Variants in NUMA1 observed in about 807,000 individuals in gnomAD.
NUMA1 encodes the protein nuclear mitotic apparatus protein 1.
Under a neutral mutation model 237.1 loss-of-function variants are expected in NUMA1, and 62 were observed. The ratio of observed to expected loss-of-function variants is 0.26; its 90% CI spans 0.21 to 0.32. NUMA1 has a LOEUF of 0.32. Among genes scored for constraint, NUMA1 ranks in the 10% least tolerant of loss-of-function variants. The pLI is 1.00. For synonymous variants in NUMA1, 1,028 were observed against 1,066.1 expected, an observed-to-expected ratio of 0.96 and a Z score of 0.70; for missense variants, 2,533 against 2,666.5, an observed-to-expected ratio of 0.95 and a Z score of 1.10.
chr11:72,005,546 G>A, intron 22 of NUMA1, 177 bp from the exon 23 acceptor site: 1 of 589,182 alleles, frequency 1.7e-6, no homozygotes, highest in African/African-American at 1.9e-5. Flanking sequence ...CTATCCTAGG[G>A]GCTTGCTCAC....
intron 8 of NUMA1, 112 bp from the exon 9 acceptor site, chr11:72,019,729 A>C: frequency 8.6e-7 from 1 of 1,165,854 alleles, no homozygotes; most frequent in African/African-American, 1.5e-5. Context: ...ATCCATGGAT[A>C]CTTATATGTA....
chr11:72,060,060 G>A (rs909040642), intron 2 of NUMA1, among the ~76,000 whole-genome samples: 9 of 152,162 alleles, frequency 5.9e-5, no homozygotes, highest in African/African-American at 2.2e-4. Context: ...AGATGCTAGA[G>A]TGACACAACC....
In NUMA1 at chr11:72,003,990, G is replaced by C. The variant is rs930142260; in HGVS notation, c.6233C>G (p.Pro2078Arg). The change falls in exon 26 of 27, where the codon CCC becomes CGC. Residue 2078 changes from proline (P) to arginine (R), a missense_variant. Physicochemically the swap from Pro to Arg is moderately radical, Grantham distance 103 (BLOSUM62 -2). Coordinates refer to ENST00000393695, the MANE Select transcript of NUMA1 (RefSeq NM_006185.4). Reference protein sequence around the residue: ...ASKKALSKASPNTRSGTRRSP... With the variant: ...ASKKALSKASRNTRSGTRRSP... ...ACGGCGGGTTCCACTGCGAGTGTTG[G>C]GGGAAGCCTTGGACAGGGCCTTCTT... is the stretch of plus-strand genomic sequence containing the variant. The C allele has an allele frequency of 1.9e-6, 3 of 1,613,464 alleles. No homozygotes were observed. The highest frequency in any genetic ancestry group is 2.5e-6 in the Non-Finnish European group (3 of 1,179,670).
Position 72,008,789 on chromosome 11 carries a change from A to T in NUMA1, c.5115T>A (p.Asp1705Glu), listed in dbSNP as rs1161159254. 1 of 1,614,068 alleles carries T rather than the reference A, an allele frequency of 6.2e-7. No homozygotes were observed. The highest frequency in any genetic ancestry group is 8.5e-7 in the Non-Finnish European group (1 of 1,180,014). The change falls in exon 20 of 27, where the codon GAT becomes GAA. Residue 1705 changes from aspartate to glutamate, a missense_variant. This residue lies in a region of NUMA1 where 795 missense variants were observed against 750.8 expected (regional missense o/e 1.06). Transcript: ENST00000393695. ...RDLGKFQVAT[D>E]ALKSREPQAK... ...CCTGGGGCTCACGGCTCTTTAAAGCATCAGTTGCCACCTGGAATTTGCCCA... is the reference window on the plus strand; with the variant it reads ...CCTGGGGCTCACGGCTCTTTAAAGCTTCAGTTGCCACCTGGAATTTGCCCA...
At position 72,016,122 on chromosome 11, in the gene NUMA1, TTTC is replaced by T. The variant is rs776286431; in HGVS notation, c.1378_1380del (p.Glu460del). ...GTGATCAGGCTAGACAGCTGCTGCT[TTTC>T]TTCTTCGAAGTGGCCCCGCTCAGCA... is the stretch of plus-strand genomic sequence containing the variant. On this transcript the variant is annotated inframe_deletion, in exon 15 of 27. Transcript: ENST00000393695. 9 of 1,614,002 alleles carry T rather than the reference TTTC, an allele frequency of 5.6e-6. No homozygotes were observed. In the South Asian group the frequency reaches 7.7e-5, roughly 14 times the overall value.
At chr11:72,058,704 CA>C (rs1440946224) in intron 2 of NUMA1, among the ~76,000 whole-genome samples, 5 of 152,212 alleles carry the variant, frequency 3.3e-5, no homozygotes, top group African/African-American at 1.2e-4. Flanking sequence ...TGACAGAGAG[CA>C]AAGTAACTTG....
Position 72,023,123 on chromosome 11 carries a change from G to C in NUMA1, c.233C>G (p.Pro78Arg), listed in dbSNP as rs1467443470. 3.1e-6 allele frequency: 5 copies of C among 1,613,630 alleles called. No homozygotes were observed. The East Asian group carries it at 1.1e-4, about 36-fold the overall frequency. ...LQKNRKHPSS[P>R]ECLVSAQKVL... is the part of the protein sequence containing the mutation. ...CTTCTGTGCAGATACCAGGCATTCT[G>C]GGGAAGAGGGATGTTTTCGATTTTC... The change falls in exon 6 of 27, where the codon CCA (proline) becomes CGA (arginine). Residue 78 changes from proline (P) to arginine (R), a missense_variant. By Grantham distance (103) the Pro-to-Arg change is moderately radical. Transcript: ENST00000393695.
intron 23 of NUMA1, 120 bp downstream of exon 23, chr11:72,005,113 C>T: frequency 8.4e-7 from 1 of 1,183,886 alleles, no homozygotes; most frequent in Non-Finnish European, 1.2e-6. Context: ...ATGAGAAGGT[C>T]ACCCTCCCCC....
At chr11:72,009,722 G>A (rs1956015682) in intron 17 of NUMA1, among the ~76,000 whole-genome samples, 1 of 20,168 alleles carries the variant, frequency 5.0e-5, no homozygotes, top group South Asian at 1.0e-3. Flanking sequence ...ACACCCAGGT[G>A]CAGAGCCTTA....
chr11:72,017,838 C>A lies in NUMA1; in HGVS notation c.979-11G>T. ...GGCAAACTCCCGCAGCTGAGACGGG[C>A]AAGTGAGAATCCCCATCACCCAGAG... On this transcript the variant is annotated splice_polypyrimidine_tract_variant and intron_variant, in intron 12 of 26. Transcript: ENST00000393695. 3 of 1,560,044 alleles carry A rather than the reference C, an allele frequency of 1.9e-6. No homozygotes were observed. The highest frequency in any genetic ancestry group is 2.6e-6 in the Non-Finnish European group (3 of 1,156,382).
rs1590899740 is a variant in NUMA1, at chr11:72,013,865, A to C, written c.3638T>G (p.Val1213Gly). ...CTCAGCCTCTTGCCGGCCCCGGGCC[A>C]CCTGGGCCTTCCACTCATCTTCAGC... ...SKAEDEWKAQ[V>G]ARGRQEAERK... Residue 1213 changes from valine to glycine, a missense_variant, in exon 15 of 27, where the codon GTG becomes GGG. Physicochemically the swap from Val to Gly is moderately radical, Grantham distance 109. Transcript: ENST00000393695. This position sits in a 1 kb window ranked among gnomAD's most constrained non-coding sequence, Gnocchi z 6.8. 1.9e-6 allele frequency: 3 copies of C among 1,613,648 alleles called. No individual in the cohort carries two copies. Among genetic ancestry groups the C allele is most frequent in the Non-Finnish European group, 2.5e-6 (3 of 1,180,014 alleles).
At chr11:72,022,236 G>T in intron 7 of NUMA1, 103 bp downstream of exon 7, 1 of 657,694 alleles carries the variant, frequency 1.5e-6, no homozygotes. Context: ...TGCTATAACT[G>T]TATTTTTAAA....
Position 72,006,134 on chromosome 11 carries a change from A to G in NUMA1, c.5593T>C (p.Tyr1865His). The change falls in exon 22 of 27, where the codon TAT becomes CAT. Residue 1865 changes from tyrosine (Y) to histidine (H), a missense_variant. Physicochemically the swap from Tyr to His is moderately conservative, Grantham distance 83. Coordinates refer to ENST00000393695, the MANE Select transcript of NUMA1 (RefSeq NM_006185.4). Reference protein sequence around the residue: ...QSLARLGSPDYGNSALLSLPG... With the variant: ...QSLARLGSPDHGNSALLSLPG... ...AAGCTGAGCAGGGCTGAGTTGCCAT[A>G]ATCGGGAGAACCCAGGCGAGCTAGA... 14 of 1,614,146 alleles carry G rather than the reference A, an allele frequency of 8.7e-6. No individual in the cohort carries two copies. Among genetic ancestry groups the G allele is most frequent in the Non-Finnish European group, 1.2e-5 (14 of 1,180,020 alleles).
intron 2 of NUMA1, among the ~76,000 whole-genome samples, chr11:72,055,890 C>T (rs779693032): frequency 6.6e-6 from 1 of 151,740 alleles, no homozygotes; most frequent in Non-Finnish European, 1.5e-5. Flanking sequence ...CCGAGGCAGA[C>T]AGATTACCTG....
chr11:72,035,321 T>C (rs1008777719), intron 3 of NUMA1, among the ~76,000 whole-genome samples: 7 of 152,042 alleles, frequency 4.6e-5, no homozygotes, highest in African/African-American at 1.7e-4. Flanking sequence ...AAGAGAGTGA[T>C]GAGAACCTTG....
chr11:72,006,975 TAGTC>T (rs1289383071), intron 21 of NUMA1, among the ~76,000 whole-genome samples: 3 of 152,202 alleles, frequency 2.0e-5, no homozygotes, highest in African/African-American at 4.8e-5. Flanking sequence ...ATGCTAGCCT[TAGTC>T]AGGAGGCAGG....
In NUMA1 at chr11:72,008,828, C is replaced by T. The variant is rs1273932729; in HGVS notation, c.5076G>A (p.Gln1692=). ...GGAATTTGCCCAGGTCTCGAAGCTG[C>T]TGGTCTGCATGGGCAACCTGAGAAG... ...SLEAQVAHAD[Q]QLRDLGKFQV... The change falls in exon 20 of 27, where the codon CAG becomes CAA. Residue 1692 remains glutamine (Q), a synonymous_variant. Coordinates refer to ENST00000393695, the MANE Select transcript of NUMA1 (RefSeq NM_006185.4). The T allele has an allele frequency of 1.2e-6, 2 of 1,614,160 alleles. No individual in the cohort carries two copies. The highest frequency in any genetic ancestry group is 2.7e-5 in the African/African-American group (2 of 75,032).
At chr11:72,012,678 G>A (rs1956235461) in intron 15 of NUMA1, among the ~76,000 whole-genome samples, 1 of 152,202 alleles carries the variant, frequency 6.6e-6, no homozygotes, top group Non-Finnish European at 1.5e-5. Context: ...TCTAGTGACA[G>A]AGCCTTCAGG....
chr11:72,049,283 T>C (rs1942173661), intron 2 of NUMA1: 2 of 151,916 alleles, frequency 1.3e-5, no homozygotes, highest in South Asian at 4.2e-4. Context: ...GCCTCCATAG[T>C]GGTAGAAAAC....
Sources: gnomAD v4.1 joint callset for allele counts (sites outside exome capture counted in the v4.1 genomes callset) on GRCh38, gnomAD v4.1.1 for gene constraint, gnomAD v4.1.1 regional missense constraint, Gnocchi (gnomAD v3.1) non-coding constraint, MANE v1.5 for transcripts, NCBI Gene and HGNC (gene_info 2026-07-23, HGNC 2026-07-21) for gene names.